Variants in KAZN observed in about 807,000 individuals in gnomAD.
The protein encoded by KAZN is kazrin, periplakin interacting protein, also known as kazrin.
In KAZN, 40 loss-of-function variants were observed where a neutral mutation model predicts 87.4. The ratio of observed to expected loss-of-function variants is 0.46; its 90% CI spans 0.36 to 0.60. The LOEUF (loss-of-function observed/expected upper bound fraction) is 0.60. KAZN is among the 20% of genes least tolerant of loss of function. The pLI, the probability that KAZN is intolerant of heterozygous loss-of-function variation, is 0.00. For synonymous variants in KAZN, 466 were observed against 458.3 expected, an observed-to-expected ratio of 1.02 and a Z score of -0.22; for missense variants, 898 against 1,073.9, an observed-to-expected ratio of 0.84 and a Z score of 2.29.
chr1:14,749,180 A>T (rs1644344038), intron 1 of KAZN, among the ~76,000 whole-genome samples: 1 of 152,092 alleles, frequency 6.6e-6, no homozygotes. Flanking sequence ...ACTCACATCC[A>T]CTGAGACCTG....
chr1:14,419,642 G>C (rs1472221100), intron 2 of KAZN, among the ~76,000 whole-genome samples: 1 of 152,204 alleles, frequency 6.6e-6, no homozygotes, highest in Admixed American at 6.5e-5. Flanking sequence ...TGTTCCTTCT[G>C]ATTTTCGGAT....
At chr1:13,923,549 G>A (rs1640148761) in intron 1 of KAZN, among the ~76,000 whole-genome samples, 1 of 142,136 alleles carries the variant, frequency 7.0e-6, no homozygotes, top group Admixed American at 7.5e-5. Flanking sequence ...CTCCAGCCTG[G>A]GTGACAGAGC....
At chr1:15,112,670 A>G in intron 14 of KAZN, 129 bp downstream of exon 14, 1 of 633,948 alleles carries the variant, frequency 1.6e-6, no homozygotes, top group Admixed American at 2.7e-5. Context: ...TCACGGGGGC[A>G]TCCAGGACAG....
chr1:14,631,067 G>A (rs926829284), intron 1 of KAZN, among the ~76,000 whole-genome samples: 2 of 152,042 alleles, frequency 1.3e-5, no homozygotes, highest in African/African-American at 4.8e-5. Context: ...TGACTCTTAG[G>A]CTGAGAGGTT....
chr1:14,196,595 G>A (rs774315843), intron 2 of KAZN, among the ~76,000 whole-genome samples: 1 of 152,120 alleles, frequency 6.6e-6, no homozygotes, highest in Non-Finnish European at 1.5e-5. Context: ...GGGAAGGCGA[G>A]TGAGAAGATC....
At chr1:14,510,049 G>A (rs907763461) in intron 2 of KAZN, among the ~76,000 whole-genome samples, 2 of 152,166 alleles carry the variant, frequency 1.3e-5, no homozygotes, top group Non-Finnish European at 2.9e-5. Context: ...AAAAGTAGGT[G>A]GTGCCAGACA....
At chr1:14,764,398 A>G (rs1240497106) in intron 1 of KAZN, among the ~76,000 whole-genome samples, 3 of 87,698 alleles carry the variant, frequency 3.4e-5, no homozygotes, top group African/African-American at 1.2e-4. Context: ...CCCCCCCACA[A>G]TGTGGGCATT....
chr1:14,863,767 C>CA (rs923562777), intron 1 of KAZN, among the ~76,000 whole-genome samples: 1 of 151,924 alleles, frequency 6.6e-6, no homozygotes, highest in African/African-American at 2.4e-5. Flanking sequence ...TGAAGGTGCA[C>CA]GGGGGATCAG....
intron 1 of KAZN, among the ~76,000 whole-genome samples, chr1:14,733,663 C>T (rs1400290651): frequency 6.6e-6 from 1 of 152,032 alleles, no homozygotes; most frequent in Admixed American, 6.6e-5. Flanking sequence ...TGATGTTCAG[C>T]GTGGGGACTC....
At chr1:15,058,813 G>C (rs1409569626) in intron 5 of KAZN, among the ~76,000 whole-genome samples, 2 of 152,182 alleles carry the variant, frequency 1.3e-5, no homozygotes, top group Non-Finnish European at 2.9e-5. Flanking sequence ...GAGGTCAGGA[G>C]TTCGAGACCA....
chr1:14,083,608 G>A (rs1011686258), intron 1 of KAZN, among the ~76,000 whole-genome samples: 2 of 152,218 alleles, frequency 1.3e-5, no homozygotes, highest in African/African-American at 4.8e-5. Context: ...GTAGCAAAGA[G>A]TTTATTGATA....
At position 13,912,550 on chromosome 1, in the gene KAZN, A is replaced by C. The variant is rs1639690861; in HGVS notation, c.91+18794A>C. On this transcript the variant is annotated intron_variant, in intron 1 of 16. Transcript: ENST00000636203. ...CATTTAAAAAGTAGATCAGATGATAAAATTGATAAAGTGTTGACTGAGTTT... is the reference window on the plus strand; with the variant it reads ...CATTTAAAAAGTAGATCAGATGATACAATTGATAAAGTGTTGACTGAGTTT... Among the ~76,000 whole-genome samples the C allele has an allele frequency of 2.0e-5, 3 of 152,166 alleles. No individual in the cohort carries two copies. The South Asian group carries it at 6.2e-4, about 32-fold the overall frequency.
At chr1:14,834,563 G>T (rs974003639) in intron 1 of KAZN, among the ~76,000 whole-genome samples, 3 of 151,560 alleles carry the variant, frequency 2.0e-5, no homozygotes, top group African/African-American at 7.3e-5. Context: ...GGGTTTCACC[G>T]TGTTAGCCAG....
intron 2 of KAZN, among the ~76,000 whole-genome samples, chr1:14,262,081 A>C (rs1273822280): frequency 1.3e-5 from 2 of 152,190 alleles, no homozygotes; most frequent in Non-Finnish European, 2.9e-5. Flanking sequence ...AATTTTTAGA[A>C]TTAAATTTGT....
chr1:14,781,165 A>T (rs908378578), intron 1 of KAZN, among the ~76,000 whole-genome samples: 2 of 152,170 alleles, frequency 1.3e-5, no homozygotes, highest in Admixed American at 6.5e-5. Context: ...TACTAAAAAT[A>T]CAAAAAATTA....
At chr1:14,618,749 G>T (rs969277883) in intron 1 of KAZN, among the ~76,000 whole-genome samples, 1 of 152,148 alleles carries the variant, frequency 6.6e-6, no homozygotes, top group Non-Finnish European at 1.5e-5. Context: ...TCACTCTTTT[G>T]TCCCAAACCA....
chr1:14,156,044 T>C (rs1045291614), intron 1 of KAZN, among the ~76,000 whole-genome samples: 3 of 152,218 alleles, frequency 2.0e-5, no homozygotes, highest in African/African-American at 7.2e-5. Context: ...GTTTCTATTA[T>C]CATTTATTGC....
At chr1:14,770,964 C>T (rs1176595310) in intron 1 of KAZN, among the ~76,000 whole-genome samples, 1 of 152,154 alleles carries the variant, frequency 6.6e-6, no homozygotes, top group Non-Finnish European at 1.5e-5. Flanking sequence ...TGTCCCAGCT[C>T]CTCATCCCAC....
intron 1 of KAZN, among the ~76,000 whole-genome samples, chr1:13,945,473 CA>C (rs35661143): frequency 0.63 from 69,472 of 109,894 alleles, 19,055 homozygotes; most frequent in Middle Eastern, 0.72. Context: ...GAGTCCGTCT[CA>C]AAAAAAAAAA....
Sources: gnomAD v4.1 joint callset for allele counts (sites outside exome capture counted in the v4.1 genomes callset) on GRCh38, gnomAD v4.1.1 for gene constraint, MANE v1.5 for transcripts, NCBI Gene and HGNC (gene_info 2026-07-23, HGNC 2026-07-21) for gene names.